Variants in ATXN8OS observed in about 807,000 individuals in gnomAD.
ATXN8OS encodes ATXN8 opposite strand (non-protein coding).
chr13:70,107,647 C>T (rs746909985), upstream of ATXN8OS: 3 of 1,553,282 alleles, frequency 1.9e-6, no homozygotes, highest in Admixed American at 2.0e-5. Context: ...GAGTTTCCAG[C>T]GGAGTCGCAG....
chr13:70,159,983 A>G (rs1312865364), intron 4 of ATXN8OS, among the ~76,000 whole-genome samples: 1 of 152,228 alleles, frequency 6.6e-6, no homozygotes, highest in African/African-American at 2.4e-5. Context: ...TAGACCTGCT[A>G]TAAATTCACA....
At chr13:70,134,801 A>G (rs1295729788) in intron 3 of ATXN8OS, among the ~76,000 whole-genome samples, 2 of 152,170 alleles carry the variant, frequency 1.3e-5, no homozygotes, top group Non-Finnish European at 2.9e-5. Context: ...AAGGACTGCA[A>G]TCTGTCCCCT....
At chr13:70,162,706 T>C (rs879720466) in intron 4 of ATXN8OS, among the ~76,000 whole-genome samples, 9 of 152,124 alleles carry the variant, frequency 5.9e-5, no homozygotes, top group African/African-American at 9.7e-5. Context: ...GATTTTCTTT[T>C]AGTCTCTTCT....
chr13:70,133,401 A>G (rs2137485179), intron 3 of ATXN8OS, among the ~76,000 whole-genome samples: 1 of 152,272 alleles, frequency 6.6e-6, no homozygotes, highest in Middle Eastern at 3.4e-3. Flanking sequence ...GAAACAGTGA[A>G]AAAAATAGCA....
chr13:70,107,644 C>T, upstream of ATXN8OS: 2 of 1,554,602 alleles, frequency 1.3e-6, no homozygotes, highest in African/African-American at 1.4e-5. Flanking sequence ...GAAGAGTTTC[C>T]AGCGGAGTCG....
At chr13:70,141,968 G>A (rs1307737155) in intron 3 of ATXN8OS, among the ~76,000 whole-genome samples, 2 of 151,974 alleles carry the variant, frequency 1.3e-5, no homozygotes, top group Non-Finnish European at 2.9e-5. Context: ...ACTGCAACCT[G>A]CACCTCGCGG....
chr13:70,124,778 T>C (rs1001656535), intron 2 of ATXN8OS, among the ~76,000 whole-genome samples: 1 of 152,094 alleles, frequency 6.6e-6, no homozygotes, highest in Admixed American at 6.6e-5. Context: ...AGATATATCG[T>C]TGTCATCTCC....
intron 3 of ATXN8OS, among the ~76,000 whole-genome samples, chr13:70,138,660 G>A (rs1049670037): frequency 4.6e-5 from 7 of 152,106 alleles, no homozygotes; most frequent in African/African-American, 1.7e-4. Flanking sequence ...CACTAATATA[G>A]TATGCATTCC....
At chr13:70,139,464 T>A (rs1888675509) in intron 3 of ATXN8OS, 1 of 677,752 alleles carries the variant, frequency 1.5e-6, no homozygotes, top group East Asian at 2.8e-5. Context: ...TTTTACTATT[T>A]GATGTTATAA....
chr13:70,166,038 A>T (rs1181259526), intron 4 of ATXN8OS, among the ~76,000 whole-genome samples: 1 of 152,070 alleles, frequency 6.6e-6, no homozygotes, highest in Non-Finnish European at 1.5e-5. Flanking sequence ...GTCTTTGCAT[A>T]AATAGAAAAT....
At chr13:70,126,129 T>C (rs1326797009) in intron 2 of ATXN8OS, among the ~76,000 whole-genome samples, 1 of 152,180 alleles carries the variant, frequency 6.6e-6, no homozygotes, top group African/African-American at 2.4e-5. Context: ...CGCAATTATA[T>C]ATTTGTACAA....
At chr13:70,152,715 T>A (rs1042536445) in intron 4 of ATXN8OS, among the ~76,000 whole-genome samples, 14 of 152,312 alleles carry the variant, frequency 9.2e-5, no homozygotes, top group African/African-American at 3.4e-4. Context: ...AGTTATTATC[T>A]CTGTTTCAAA....
intron 3 of ATXN8OS, among the ~76,000 whole-genome samples, chr13:70,146,150 A>G (rs1888783548): frequency 2.0e-5 from 3 of 150,008 alleles, no homozygotes; most frequent in Admixed American, 6.7e-5. Context: ...GCAGCCAAAA[A>G]ACACATGAAA....
chr13:70,158,142 T>G lies in ATXN8OS; in HGVS notation n.573+10714T>G, dbSNP rs181594723. On this transcript the variant is annotated intron_variant and non_coding_transcript_variant, in intron 4 of 4. Coordinates refer to ENST00000678624, the Ensembl canonical transcript of ATXN8OS. ...TTCTTTAAGATAGAAGAGCAGAGGC[T>G]GGCGTGGTGGCTCACACCTGTAATC... 1.7e-3 allele frequency among the ~76,000 whole-genome samples: 264 copies of G among 152,242 alleles called. 2 individuals are homozygous for G. The highest frequency in any genetic ancestry group is 6.1e-3 in the African/African-American group (254 of 41,564).
intron 4 of ATXN8OS, among the ~76,000 whole-genome samples, chr13:70,167,011 A>T (rs1889083773): frequency 1.3e-5 from 2 of 151,872 alleles, no homozygotes; most frequent in South Asian, 4.1e-4. Context: ...AAAAGTCAGG[A>T]AACAACAGGT....
chr13:70,126,607 T>TCA (rs1555299561), intron 2 of ATXN8OS, among the ~76,000 whole-genome samples: 3 of 149,824 alleles, frequency 2.0e-5, no homozygotes, highest in African/African-American at 7.3e-5. Context: ...TCTAGACATA[T>TCA]TATATATATA....
chr13:70,128,627 A>G (rs1176050624), intron 2 of ATXN8OS, among the ~76,000 whole-genome samples: 1 of 152,142 alleles, frequency 6.6e-6, no homozygotes, highest in East Asian at 1.9e-4. Flanking sequence ...ATGTTTAAAA[A>G]TGCTAACACA....
chr13:70,139,730 C>T (rs183190581), intron 3 of ATXN8OS, among the ~76,000 whole-genome samples: 2 of 152,166 alleles, frequency 1.3e-5, no homozygotes, highest in East Asian at 1.9e-4. Flanking sequence ...GTATATTAGT[C>T]ATTTTGCTCC....
chr13:70,132,925 T>G (rs1888555151), intron 3 of ATXN8OS, among the ~76,000 whole-genome samples: 1 of 152,210 alleles, frequency 6.6e-6, no homozygotes, highest in Non-Finnish European at 1.5e-5. Context: ...AATGTGACTC[T>G]GTCACCTAAG....
Sources: gnomAD v4.1 joint callset for allele counts (sites outside exome capture counted in the v4.1 genomes callset) on GRCh38, gnomAD v4.1.1 for gene constraint, MANE v1.5 for transcripts, NCBI Gene and HGNC (gene_info 2026-07-23, HGNC 2026-07-21) for gene names.